SKAP2: variants seen among roughly 807,000 people sequenced by gnomAD.
SKAP2 encodes the protein src kinase-associated phosphoprotein 2.
In SKAP2, 28 loss-of-function variants were observed where a neutral mutation model predicts 54.9. That is an observed-to-expected ratio of 0.51 (90% CI 0.38 to 0.70). The LOEUF is 0.70. SKAP2 is among the 30% of genes least tolerant of loss of function. The probability of loss-of-function intolerance (pLI) is 0.00; values close to 1 mark genes in which losing one functional copy is unlikely to be tolerated. For missense variants in SKAP2, 356 were observed against 424.1 expected, an observed-to-expected ratio of 0.84 and a Z score of 1.41; for synonymous variants, 137 against 134.3, an observed-to-expected ratio of 1.02 and a Z score of -0.14.
chr7:26,708,450 C>G (rs1787218741), intron 9 of SKAP2, among the ~76,000 whole-genome samples: 1 of 152,084 alleles, frequency 6.6e-6, no homozygotes, highest in East Asian at 1.9e-4. Context: ...TTTCTTAAAT[C>G]TCTTCATGAA....
chr7:26,681,221 G>A (rs901126691), intron 11 of SKAP2, among the ~76,000 whole-genome samples: 13 of 152,076 alleles, frequency 8.5e-5, no homozygotes, highest in Non-Finnish European at 1.8e-4. Context: ...AGGCCGAGGC[G>A]GGCAGATCAC....
intron 4 of SKAP2, among the ~76,000 whole-genome samples, chr7:26,765,832 C>T (rs1007231260): frequency 6.6e-6 from 1 of 152,154 alleles, no homozygotes; most frequent in Non-Finnish European, 1.5e-5. Flanking sequence ...CTCCATATAT[C>T]TGTTTTGGTA....
chr7:26,700,305 C>T (rs1465896090), intron 9 of SKAP2, among the ~76,000 whole-genome samples: 1 of 152,048 alleles, frequency 6.6e-6, no homozygotes, highest in Non-Finnish European at 1.5e-5. Context: ...TACTGGGTTC[C>T]AGTAATTAGT....
chr7:26,719,895 G>T (rs1179964830), intron 9 of SKAP2, among the ~76,000 whole-genome samples: 1 of 152,164 alleles, frequency 6.6e-6, no homozygotes, highest in African/African-American at 2.4e-5. Context: ...ATAAAAAGGT[G>T]ATAAACCAAA....
At chr7:26,802,263 T>G (rs1054823035) in intron 4 of SKAP2, among the ~76,000 whole-genome samples, 4 of 70,448 alleles carry the variant, frequency 5.7e-5, no homozygotes, top group African/African-American at 8.4e-5. Context: ...AAAGACAGTT[T>G]TTTTTTTTTT....
chr7:26,815,473 A>T (rs1030695233), intron 4 of SKAP2, among the ~76,000 whole-genome samples: 10 of 152,198 alleles, frequency 6.6e-5, no homozygotes, highest in Non-Finnish European at 1.5e-4. Context: ...ATCAATAATT[A>T]GTTTTAAAAG....
chr7:26,687,106 G>GAT (rs1297998771), intron 10 of SKAP2, among the ~76,000 whole-genome samples: 2 of 151,336 alleles, frequency 1.3e-5, no homozygotes, highest in African/African-American at 4.9e-5. Context: ...GAAAAGAAAA[G>GAT]TATATGGTGA....
Position 26,807,810 on chromosome 7 carries a change from T to C in SKAP2, c.307+36220A>G, listed in dbSNP as rs150161202. Among the ~76,000 whole-genome samples, 129 of 152,306 alleles carry C rather than the reference T, an allele frequency of 8.5e-4. 1 individual carries two copies. Among genetic ancestry groups the C allele is most frequent in the African/African-American group, 2.9e-3 (122 of 41,568 alleles). On this transcript the variant is annotated intron_variant, in intron 4 of 12. Coordinates refer to ENST00000345317, the MANE Select transcript of SKAP2 (RefSeq NM_003930.5). ...CCTGATTAGTCAGCAGTGATCCACA[T>C]TGACGCAAGACGCTCCACCAGCAAA...
the SKAP2 span, among the ~76,000 whole-genome samples, chr7:26,660,906 C>T: frequency 9.0e-4 from 137 of 152,060 alleles, no homozygotes; most frequent in African/African-American, 2.8e-3. Flanking sequence ...TGACATCATC[C>T]GATGTTACCA....
At chr7:26,725,655 G>A (rs1584353636) in intron 8 of SKAP2, 90 bp from the exon 9 acceptor site, 2 of 1,209,332 alleles carry the variant, frequency 1.7e-6, no homozygotes, top group South Asian at 1.5e-5. Context: ...GCCCTACAAA[G>A]CAACAACAAT....
At chr7:26,810,694 T>G (rs73067437) in intron 4 of SKAP2, among the ~76,000 whole-genome samples, 1 of 152,078 alleles carries the variant, frequency 6.6e-6, no homozygotes, top group Non-Finnish European at 1.5e-5. Context: ...TGTTTGTTTT[T>G]TTCTTTGAGA....
At chr7:26,792,248 T>C (rs1403845018) in intron 4 of SKAP2, among the ~76,000 whole-genome samples, 1 of 152,204 alleles carries the variant, frequency 6.6e-6, no homozygotes, top group Non-Finnish European at 1.5e-5. Flanking sequence ...CTGGAAATGT[T>C]CTATATCTTA....
At chr7:26,777,904 T>C (rs1441632755) in intron 4 of SKAP2, among the ~76,000 whole-genome samples, 3 of 152,190 alleles carry the variant, frequency 2.0e-5, no homozygotes, top group Admixed American at 2.0e-4. Flanking sequence ...CTCATTTTTT[T>C]TTAACAACTC....
chr7:26,831,630 T>C (rs1164303858), intron 4 of SKAP2, among the ~76,000 whole-genome samples: 1 of 152,178 alleles, frequency 6.6e-6, no homozygotes, highest in Non-Finnish European at 1.5e-5. Context: ...CTTATCCTAC[T>C]CAATCCTAAG....
chr7:26,714,378 T>C (rs1394732368), intron 9 of SKAP2, among the ~76,000 whole-genome samples: 2 of 152,238 alleles, frequency 1.3e-5, no homozygotes, highest in African/African-American at 4.8e-5. Flanking sequence ...AAGCAGTTGT[T>C]ATTTCTTCGT....
intron 4 of SKAP2, among the ~76,000 whole-genome samples, chr7:26,813,507 G>C (rs988983727): frequency 6.6e-6 from 1 of 152,168 alleles, no homozygotes; most frequent in African/African-American, 2.4e-5. Context: ...GAAAACCTTT[G>C]GAGGCAGTAA....
At chr7:26,763,208 C>T (rs1015213702) in intron 4 of SKAP2, among the ~76,000 whole-genome samples, 1 of 151,438 alleles carries the variant, frequency 6.6e-6, no homozygotes, top group Non-Finnish European at 1.5e-5. Flanking sequence ...ATGGATAAAA[C>T]CAAAGTTACC....
chr7:26,844,197 G>A, intron 3 of SKAP2, 60 bp from the exon 4 acceptor site: 2 of 941,852 alleles, frequency 2.1e-6, no homozygotes, highest in South Asian at 2.7e-5. Flanking sequence ...TTAAAGTAAT[G>A]TTACTTAATG....
At chr7:26,754,579 C>T (rs1782750144) in intron 4 of SKAP2, among the ~76,000 whole-genome samples, 1 of 152,082 alleles carries the variant, frequency 6.6e-6, no homozygotes, top group African/African-American at 2.4e-5. Flanking sequence ...GTTGTCATTA[C>T]CAGAACAATT....
Sources: allele counts gnomAD v4.1 joint callset (sites outside exome capture counted in the v4.1 genomes callset), GRCh38; gene constraint gnomAD v4.1.1; transcripts MANE v1.5; gene names NCBI Gene and HGNC (gene_info 2026-07-23, HGNC 2026-07-21).